Variants in MPP1 observed in about 807,000 individuals in gnomAD.
MPP1 encodes the protein 55 kDa erythrocyte membrane protein.
Under a neutral mutation model 38.2 loss-of-function variants are expected in MPP1, and 6 were observed. That is an observed-to-expected ratio of 0.16 (90% CI 0.09 to 0.31). The LOEUF is 0.31. MPP1 is among the 10% of genes least tolerant of loss of function. The pLI, the probability that MPP1 is intolerant of heterozygous loss-of-function variation, is 1.00. For synonymous variants in MPP1, 153 were observed against 146.3 expected (o/e 1.05, Z -0.33); for missense variants, 293 against 368.9 (o/e 0.79, Z 1.69).
chrX:154,790,036 T>A lies in MPP1; in HGVS notation c.412-14A>T. 8.9e-7 allele frequency: 1 copy of A among 1,118,590 alleles called. No homozygotes were observed. The allele number at this position is 1,118,590 out of a possible 1,213,427, so 92.2% of individuals were successfully genotyped here. A position where few individuals can be genotyped will look rare whatever the true frequency, so the allele number is the denominator to read the frequency against. Reference sequence around the variant, plus strand: ...TTTGGTTTCTTTCTATTAAAAAAAATGGACATAAAATTGTACAGAAAACTA... The same window carrying A: ...TTTGGTTTCTTTCTATTAAAAAAAAAGGACATAAAATTGTACAGAAAACTA... On this transcript the variant is annotated splice_polypyrimidine_tract_variant and intron_variant, in intron 4 of 11. Transcript: ENST00000369534.
chrX:154,798,933 C>T (rs1478376111), intron 1 of MPP1, among the ~76,000 whole-genome samples: 1 of 110,713 alleles, frequency 9.0e-6, no homozygotes, highest in African/African-American at 3.3e-5. Context: ...GGGGTTTCTC[C>T]GCATTGGCCA....
At chrX:154,785,198 C>T (rs372508912) in intron 6 of MPP1, 41 bp from the exon 7 acceptor site, 189 of 970,089 alleles carry the variant, frequency 1.9e-4, no homozygotes, top group Non-Finnish European at 2.5e-4. Context: ...TTTCCTCCCC[C>T]TCCCCTCATA....
intron 4 of MPP1, among the ~76,000 whole-genome samples, chrX:154,790,474 T>C (rs2072129448): frequency 9.7e-6 from 1 of 103,048 alleles, no homozygotes; most frequent in African/African-American, 3.6e-5. Flanking sequence ...GAGGTTGCAG[T>C]GAGCCGAGAT....
rs2072038294 is a variant in MPP1 at position 154,783,923 on chromosome X, G to C, written c.865+105C>G. 12 of 726,618 alleles carry C rather than the reference G, an allele frequency of 1.7e-5. No individual in the cohort carries two copies. In the Middle Eastern group the frequency reaches 1.2e-3, roughly 72 times the overall value. The allele number at this position is 726,618 out of a possible 1,213,427, so 59.9% of individuals were successfully genotyped here. On this transcript the variant is annotated intron_variant, in intron 8 of 11. Coordinates refer to ENST00000369534, the MANE Select transcript of MPP1 (RefSeq NM_002436.4). Reference sequence around the variant, plus strand: ...CACCTGCTCTATATGGAGAACCCAAGAGACCTCAGTTCTTTTCTTCCTCAC... The same window carrying C: ...CACCTGCTCTATATGGAGAACCCAACAGACCTCAGTTCTTTTCTTCCTCAC...
At chrX:154,801,166 A>C (rs2072257033) in intron 1 of MPP1, among the ~76,000 whole-genome samples, 1 of 112,266 alleles carries the variant, frequency 8.9e-6, no homozygotes. Flanking sequence ...TCCCCTCTTG[A>C]CACTGTCTCA....
chrX:154,785,192 C>A, intron 6 of MPP1, 35 bp from the exon 7 acceptor site: 1 of 984,079 alleles, frequency 1.0e-6, no homozygotes. Flanking sequence ...GTCAGCTTTC[C>A]TCCCCCTCCC....
intron 1 of MPP1, 117 bp from the exon 2 acceptor site, chrX:154,792,402 C>T: frequency 1.1e-6 from 1 of 893,045 alleles, no homozygotes; most frequent in Non-Finnish European, 1.5e-6. Flanking sequence ...TAAGTTTGGC[C>T]TCATTCTTAT....
chrX:154,791,688 A>ATAT (rs1362635078), intron 3 of MPP1, 81 bp downstream of exon 3: 1 of 920,805 alleles, frequency 1.1e-6, no homozygotes, highest in African/African-American at 1.9e-5. Context: ...GAGGATTATA[A>ATAT]GCTTCATGCC....
At chrX:154,780,711 C>A (rs1255032659) in intron 11 of MPP1, among the ~76,000 whole-genome samples, 4 of 111,264 alleles carry the variant, frequency 3.6e-5, no homozygotes, top group Non-Finnish European at 3.8e-5. Context: ...CAGCAGAAGA[C>A]CAAGCAGCTA....
intron 1 of MPP1, among the ~76,000 whole-genome samples, chrX:154,796,909 G>A (rs2072204410): frequency 9.0e-6 from 1 of 111,473 alleles, no homozygotes; most frequent in Admixed American, 9.5e-5. Context: ...CAAGCCAGGT[G>A]TGGTGGCATG....
In MPP1 at chrX:154,781,789, C is replaced by T. The variant is rs147268060; in HGVS notation, c.960G>A (p.Pro320=). The T allele has an allele frequency of 5.8e-5, 70 of 1,209,362 alleles. No individual in the cohort carries two copies. Among genetic ancestry groups the T allele is most frequent in the Non-Finnish European group, 7.2e-5 (64 of 894,723 alleles). Residue 320 remains proline, a synonymous_variant, in exon 10 of 12, where the codon CCG becomes CCA. Transcript: ENST00000369534. ...TCCCATCTTCCTCACTCTTCCTTGGCGGCCGTGTTGTATCTGTGTACAAGA... is the reference window on the plus strand; with the variant it reads ...TCCCATCTTCCTCACTCTTCCTTGGTGGCCGTGTTGTATCTGTGTACAAGA... ...FVYPVPYTTR[P]PRKSEEDGKE...
At position 154,779,020 on chromosome X, in the gene MPP1, C is replaced by T; in HGVS notation, c.*157G>A. ...AGAATCAACCCTTCAGGAGCCTGAG[C>T]AAGAAGACTGAACCTTACTGGCTGA... On this transcript the variant is annotated 3_prime_UTR_variant, in exon 12 of 12. Coordinates refer to ENST00000369534, the MANE Select transcript of MPP1 (RefSeq NM_002436.4). The T allele has an allele frequency of 1.9e-6, 1 of 527,124 alleles. No individual in the cohort carries two copies. The allele number at this position is 527,124 out of a possible 1,213,427, so 43.4% of individuals were successfully genotyped here.
At chrX:154,783,024 G>T (rs2072027441) in intron 9 of MPP1, 1 of 113,122 alleles carries the variant, frequency 8.8e-6, no homozygotes, top group African/African-American at 3.2e-5. Context: ...CTTTGATTTA[G>T]AAGACATTCC....
intron 5 of MPP1, 66 bp from the exon 6 acceptor site, chrX:154,786,466 C>A: frequency 9.8e-7 from 1 of 1,023,801 alleles, no homozygotes; most frequent in Non-Finnish European, 1.4e-6. Flanking sequence ...CAGAGCATGT[C>A]CTGCTGTAGA....
chrX:154,805,160 C>A, intron 1 of MPP1, 112 bp downstream of exon 1: 1 of 778,504 alleles, frequency 1.3e-6, no homozygotes, highest in Non-Finnish European at 1.8e-6. Flanking sequence ...CGACCTATGG[C>A]CAGGACCCGC....
chrX:154,781,349 G>A (rs782005009), intron 10 of MPP1, 36 bp from the exon 11 acceptor site: 25 of 1,026,404 alleles, frequency 2.4e-5, no homozygotes, highest in African/African-American at 3.9e-5. Context: ...GGGAGGGGGG[G>A]GAAGGAAGAA....
chrX:154,799,735 A>G, intron 1 of MPP1: 1 of 1,154,117 alleles, frequency 8.7e-7, no homozygotes, highest in Non-Finnish European at 1.2e-6. Flanking sequence ...GCCAGGGAAT[A>G]AACACTCACC....
At chrX:154,786,057 G>A in intron 6 of MPP1, 147 bp downstream of exon 6, 1 of 574,096 alleles carries the variant, frequency 1.7e-6, no homozygotes, top group Non-Finnish European at 2.7e-6. Flanking sequence ...TCAACGCATG[G>A]TTAACCCTCC....
At chrX:154,804,618 TGA>T (rs2072300201) in intron 1 of MPP1, 2 of 315,039 alleles carry the variant, frequency 6.3e-6, no homozygotes, top group African/African-American at 5.4e-5. Flanking sequence ...AAACGAAATA[TGA>T]GAGACAAGAA....
Sources: gnomAD v4.1 joint callset for allele counts (sites outside exome capture counted in the v4.1 genomes callset) on GRCh38, gnomAD v4.1.1 for gene constraint, MANE v1.5 for transcripts, NCBI Gene and HGNC (gene_info 2026-07-23, HGNC 2026-07-21) for gene names.